NEBL: variants seen among roughly 807,000 people sequenced by gnomAD.
NEBL encodes LIM and SH3 protein 2.
A neutral mutation model predicts 140.2 loss-of-function variants in NEBL; 122 were observed. The ratio of observed to expected loss-of-function variants is 0.87; its 90% confidence interval spans 0.75 to 1.01. The LOEUF (loss-of-function observed/expected upper bound fraction) is 1.01. NEBL is among the 50% of genes least tolerant of loss of function. NEBL has a pLI of 0.00. For missense variants in NEBL, 1,365 were observed against 1,231.3 expected (o/e 1.11, Z -1.62); for synonymous variants, 436 against 398.9 (o/e 1.09, Z -1.11).
intron 3 of NEBL, among the ~76,000 whole-genome samples, chr10:21,229,022 TG>T (rs1842209191): frequency 6.6e-6 from 1 of 152,072 alleles, no homozygotes; most frequent in African/African-American, 2.4e-5. Context: ...CAACCCATAG[TG>T]GACATAGAGT....
intron 3 of NEBL, among the ~76,000 whole-genome samples, chr10:21,205,260 CT>C (rs1841808156): frequency 6.6e-6 from 1 of 152,156 alleles, no homozygotes; most frequent in Admixed American, 6.5e-5. Context: ...TAGCAAAAGC[CT>C]TAACATTTTG....
intron 2 of NEBL, among the ~76,000 whole-genome samples, chr10:20,894,650 C>T (rs957424025): frequency 2.0e-5 from 3 of 151,534 alleles, no homozygotes; most frequent in African/African-American, 7.3e-5. Flanking sequence ...CATGGTGGCT[C>T]ACGCCTGTAA....
chr10:20,927,281 A>T (rs1380922146), intron 4 of NEBL, among the ~76,000 whole-genome samples: 1 of 152,220 alleles, frequency 6.6e-6, no homozygotes. Flanking sequence ...CAACCCTTTA[A>T]AATTTATATT....
chr10:20,957,649 C>A (rs1273985903), intron 4 of NEBL, among the ~76,000 whole-genome samples: 2 of 152,056 alleles, frequency 1.3e-5, no homozygotes, highest in Non-Finnish European at 2.9e-5. Flanking sequence ...CAGATATACG[C>A]ACACACAGAC....
intron 3 of NEBL, among the ~76,000 whole-genome samples, chr10:21,219,592 T>C (rs1842039916): frequency 6.6e-6 from 1 of 152,244 alleles, no homozygotes; most frequent in Non-Finnish European, 1.5e-5. Context: ...TCTTTTATGG[T>C]TTCATATGAA....
At chr10:20,986,230 T>C (rs1156498923) in intron 3 of NEBL, among the ~76,000 whole-genome samples, 4 of 152,182 alleles carry the variant, frequency 2.6e-5, no homozygotes, top group Non-Finnish European at 5.9e-5. Context: ...ATATAATTCA[T>C]GCAAAGCAAC....
At chr10:20,931,047 G>A (rs2131533716) in intron 4 of NEBL, among the ~76,000 whole-genome samples, 1 of 152,078 alleles carries the variant, frequency 6.6e-6, no homozygotes, top group Admixed American at 6.5e-5. Context: ...TCACAACTCT[G>A]AGCAAGCCAG....
chr10:21,007,042 T>G lies in NEBL; in HGVS notation c.249+13075A>C, dbSNP rs58448284. On this transcript the variant is annotated intron_variant, in intron 3 of 6. Transcript: ENST00000417816. Reference sequence around the variant, plus strand: ...CATGGAAAGAGGAAAAGAGTCACTTTGGGGTTTCTTTCAAAGAAAGGATAA... The same window carrying G: ...CATGGAAAGAGGAAAAGAGTCACTTGGGGGTTTCTTTCAAAGAAAGGATAA... Among the ~76,000 whole-genome samples the G allele has an allele frequency of 0.051, 7,834 of 152,210 alleles. 1,001 individuals are homozygous for G. In the East Asian group the frequency reaches 0.54, roughly 11 times the overall value.
chr10:21,213,754 A>G (rs57312082), intron 3 of NEBL, among the ~76,000 whole-genome samples: 447 of 152,260 alleles, frequency 2.9e-3, no homozygotes, highest in African/African-American at 9.6e-3. Context: ...TGGAGTTTAT[A>G]TCTTAAATAA....
intron 3 of NEBL, among the ~76,000 whole-genome samples, chr10:21,214,245 T>C (rs997521755): frequency 6.6e-6 from 1 of 151,922 alleles, no homozygotes; most frequent in African/African-American, 2.4e-5. Flanking sequence ...TTCTATCTTA[T>C]GTTTTTTCAA....
chr10:20,911,928 T>C (rs1016165222), intron 4 of NEBL, among the ~76,000 whole-genome samples: 2 of 152,194 alleles, frequency 1.3e-5, no homozygotes, highest in African/African-American at 2.4e-5. Flanking sequence ...ATTCAGTCTG[T>C]TGCAAAAATT....
intron 2 of NEBL, among the ~76,000 whole-genome samples, chr10:21,061,446 C>A (rs1178845747): frequency 1.4e-5 from 2 of 146,142 alleles, no homozygotes; most frequent in Non-Finnish European, 3.0e-5. Context: ...TGATATATAT[C>A]GTATATTACA....
At chr10:21,050,706 A>T (rs1358700040) in intron 2 of NEBL, among the ~76,000 whole-genome samples, 1 of 152,218 alleles carries the variant, frequency 6.6e-6, no homozygotes, top group Non-Finnish European at 1.5e-5. Context: ...AGAAGATTTC[A>T]ATAAATAGAT....
At chr10:21,055,193 C>T (rs558798267) in intron 2 of NEBL, among the ~76,000 whole-genome samples, 2 of 152,226 alleles carry the variant, frequency 1.3e-5, no homozygotes, top group African/African-American at 2.4e-5. Context: ...CAAGTTATAA[C>T]CTTGAGCTAG....
At chr10:21,123,632 C>T (rs1287494219) in intron 2 of NEBL, among the ~76,000 whole-genome samples, 1 of 151,970 alleles carries the variant, frequency 6.6e-6, no homozygotes, top group Non-Finnish European at 1.5e-5. Context: ...TCCAAATTAT[C>T]CAAATTCTTC....
At chr10:21,158,086 C>A (rs1378312690) in intron 2 of NEBL, among the ~76,000 whole-genome samples, 1 of 152,180 alleles carries the variant, frequency 6.6e-6, no homozygotes, top group Non-Finnish European at 1.5e-5. Context: ...ATTTAAGACA[C>A]CCCGTTTATG....
chr10:21,185,706 A>G (rs934549806), intron 3 of NEBL, among the ~76,000 whole-genome samples: 2 of 151,960 alleles, frequency 1.3e-5, no homozygotes, highest in African/African-American at 4.8e-5. Flanking sequence ...CATGTTGGCC[A>G]GGCTGGTCTC....
chr10:20,894,686 G>A (rs774553645), intron 2 of NEBL, among the ~76,000 whole-genome samples: 120 of 151,058 alleles, frequency 7.9e-4, no homozygotes, highest in Middle Eastern at 3.4e-3. Flanking sequence ...AGGCCGAGGC[G>A]GGCAGATCAC....
chr10:21,025,034 A>T (rs1838968759), intron 2 of NEBL, among the ~76,000 whole-genome samples: 1 of 152,204 alleles, frequency 6.6e-6, no homozygotes, highest in Non-Finnish European at 1.5e-5. Flanking sequence ...AGGAAAACAG[A>T]AGATTTCTCC....
Sources: gnomAD v4.1 joint callset for allele counts (sites outside exome capture counted in the v4.1 genomes callset) on GRCh38, gnomAD v4.1.1 for gene constraint, MANE v1.5 for transcripts, NCBI Gene and HGNC (gene_info 2026-07-23, HGNC 2026-07-21) for gene names.